KDELR2: variants seen among roughly 807,000 people sequenced by gnomAD.
KDELR2 encodes the protein ER lumen protein-retaining receptor 2.
KDELR2 carries 15 observed loss-of-function variants against 23.9 expected under a neutral mutation model. That is an observed-to-expected ratio of 0.63 (90% CI 0.42 to 0.97). The LOEUF is 0.97. Ranked by LOEUF, KDELR2 falls within the 50% of genes least tolerant of loss-of-function variation. The pLI is 0.00. For synonymous variants in KDELR2, 119 were observed against 106.2 expected, an observed-to-expected ratio of 1.12 and a Z score of -0.74; for missense variants, 272 against 254.6, an observed-to-expected ratio of 1.07 and a Z score of -0.46.
At chr7:6,472,536 C>T (rs1039531558) in intron 2 of KDELR2, among the ~76,000 whole-genome samples, 2 of 152,172 alleles carry the variant, frequency 1.3e-5, no homozygotes, top group Admixed American at 6.5e-5. Context: ...CTTGCCTAGA[C>T]AAGTGGGGAC....
At chr7:6,464,696 CAAAAG>C (rs1785463041) in intron 4 of KDELR2, among the ~76,000 whole-genome samples, 1 of 146,900 alleles carries the variant, frequency 6.8e-6, no homozygotes, top group South Asian at 2.2e-4. Flanking sequence ...TCAAAAAAAA[CAAAAG>C]GAAAGAGATA....
intron 1 of KDELR2, among the ~76,000 whole-genome samples, chr7:6,477,979 T>C (rs1785790897): frequency 6.6e-6 from 1 of 152,098 alleles, no homozygotes; most frequent in Non-Finnish European, 1.5e-5. Context: ...TTAAAACACA[T>C]AAACCAAAAA....
At chr7:6,473,690 C>G (rs1162396081) in intron 2 of KDELR2, among the ~76,000 whole-genome samples, 1 of 152,116 alleles carries the variant, frequency 6.6e-6, no homozygotes, top group East Asian at 1.9e-4. Context: ...GACACACACA[C>G]AACAGTTTAA....
chr7:6,467,051 G>C (rs935791171), intron 3 of KDELR2, among the ~76,000 whole-genome samples: 2 of 152,206 alleles, frequency 1.3e-5, no homozygotes, highest in African/African-American at 4.8e-5. Flanking sequence ...GGCACTGCCA[G>C]TGTGACAAGC....
At chr7:6,479,536 GCA>G (rs2115334002) in intron 1 of KDELR2, among the ~76,000 whole-genome samples, 1 of 152,208 alleles carries the variant, frequency 6.6e-6, no homozygotes, top group Non-Finnish European at 1.5e-5. Flanking sequence ...GGAGTGCAGT[GCA>G]CAGTCTCGGC....
chr7:6,478,809 C>G (rs7800342), intron 1 of KDELR2, among the ~76,000 whole-genome samples: 133,006 of 152,024 alleles, frequency 0.87, 58,688 homozygotes, highest in Non-Finnish European at 0.91. Context: ...TTTTTTGAGA[C>G]AAGAGTTTCA....
At chr7:6,477,755 T>C (rs1209178355) in intron 1 of KDELR2, among the ~76,000 whole-genome samples, 2 of 152,176 alleles carry the variant, frequency 1.3e-5, no homozygotes, top group Admixed American at 1.3e-4. Context: ...CCTCCTAGGC[T>C]CAAGCAATCT....
chr7:6,477,500 A>G (rs1008961929), intron 1 of KDELR2, among the ~76,000 whole-genome samples: 3 of 152,172 alleles, frequency 2.0e-5, no homozygotes, highest in African/African-American at 7.2e-5. Flanking sequence ...AGGTAATAAG[A>G]TCTCCCAGAA....
rs185368756 is a variant in KDELR2, at chr7:6,469,666, C to T, written c.281G>A (p.Arg94Gln). 354 of 1,614,056 alleles carry T rather than the reference C, an allele frequency of 2.2e-4. 1 individual carries two copies. The East Asian group carries it at 5.5e-3, about 25-fold the overall frequency. ...ATYDGNHDTF[R>Q]VEFLVVPVGG... is the part of the protein sequence containing the mutation. ...CACAGGGACCACCAGAAACTCCACT[C>T]GGAAGGTATCATGATTTCCATCGTA... Residue 94 changes from arginine (R) to glutamine (Q), a missense_variant, in exon 3 of 5, where the codon CGA becomes CAA. Physicochemically the swap from Arg to Gln is conservative, Grantham distance 43. Coordinates refer to ENST00000258739, the MANE Select transcript of KDELR2 (RefSeq NM_006854.4).
intron 4 of KDELR2, 120 bp downstream of exon 4, chr7:6,465,951 C>T: frequency 2.0e-6 from 2 of 1,024,358 alleles, no homozygotes; most frequent in South Asian, 1.6e-5. Context: ...ATTGGCCAAT[C>T]ATGAAAGTGT....
intron 1 of KDELR2, chr7:6,482,570 T>C (rs1475650200): frequency 1.1e-5 from 5 of 470,888 alleles, no homozygotes; most frequent in Non-Finnish European, 2.2e-5. Context: ...TCAGTTATGT[T>C]CCAAGGAGAC....
At chr7:6,482,638 T>C (rs1377617113) in intron 1 of KDELR2, 1 of 460,366 alleles carries the variant, frequency 2.2e-6, no homozygotes, top group Admixed American at 2.4e-5. Flanking sequence ...GACGCCAAAA[T>C]TTTTAGAAAT....
chr7:6,478,931 G>A (rs1051840741), intron 1 of KDELR2, among the ~76,000 whole-genome samples: 1 of 151,970 alleles, frequency 6.6e-6, no homozygotes, highest in Non-Finnish European at 1.5e-5. Flanking sequence ...TGGGACTACA[G>A]GTGCCTGCCA....
intron 1 of KDELR2, among the ~76,000 whole-genome samples, chr7:6,481,969 GTTTATTTATTTATTTATTTATTTATTTA>G (rs66801708): frequency 5.4e-5 from 8 of 147,268 alleles, no homozygotes; most frequent in African/African-American, 7.6e-5. Flanking sequence ...TCCTAAGGTC[GTTTATTTATTTATTTATTTATTTATTTA>G]TTTATTTATT....
intron 2 of KDELR2, chr7:6,470,515 C>G (rs1402331287): frequency 2.6e-5 from 4 of 151,960 alleles, no homozygotes; most frequent in Non-Finnish European, 4.4e-5. Context: ...CACCTGGGAC[C>G]CTGAAATGAA....
At chr7:6,469,966 T>C in intron 2 of KDELR2, 2 of 395,062 alleles carry the variant, frequency 5.1e-6, no homozygotes, top group Non-Finnish European at 4.5e-6. Context: ...CACAGAATAG[T>C]TCCATCATCC....
intron 4 of KDELR2, among the ~76,000 whole-genome samples, chr7:6,463,995 G>A (rs1166834068): frequency 4.3e-5 from 5 of 116,900 alleles, no homozygotes; most frequent in East Asian, 2.0e-4. Flanking sequence ...TCGGGAGTTC[G>A]AGACCAGCCT....
intron 1 of KDELR2, among the ~76,000 whole-genome samples, chr7:6,480,898 G>C (rs1163660156): frequency 6.6e-6 from 1 of 152,108 alleles, no homozygotes; most frequent in Non-Finnish European, 1.5e-5. Context: ...CACAAACCAG[G>C]ACAGAAATCA....
chr7:6,473,733 A>G (rs776335899), intron 2 of KDELR2, among the ~76,000 whole-genome samples: 24 of 152,350 alleles, frequency 1.6e-4, no homozygotes, highest in African/African-American at 5.0e-4. Flanking sequence ...GAAAAAAGAT[A>G]GAAGCCTATA....
Sources: gnomAD v4.1 joint callset for allele counts (sites outside exome capture counted in the v4.1 genomes callset) on GRCh38, gnomAD v4.1.1 for gene constraint, MANE v1.5 for transcripts, NCBI Gene and HGNC (gene_info 2026-07-23, HGNC 2026-07-21) for gene names.